The following DNMT3B variants were observed in gnomAD, a reference collection of about 807,000 sequenced individuals.
DNMT3B encodes DNA (cytosine-5)-methyltransferase 3B.
A neutral mutation model predicts 120.2 loss-of-function variants in DNMT3B; 37 were observed. The observed-to-expected ratio is 0.31, with a 90% CI of 0.24 to 0.40. The LOEUF (loss-of-function observed/expected upper bound fraction) is 0.40. Ranked by LOEUF, DNMT3B falls within the 10% of genes least tolerant of loss-of-function variation. The pLI, the probability that DNMT3B is intolerant of heterozygous loss-of-function variation, is 1.00. For synonymous variants in DNMT3B, 412 were observed against 442.8 expected (o/e 0.93, Z 0.87); for missense variants, 878 against 1,137.3 (o/e 0.77, Z 3.28).
In DNMT3B at chr20:32,801,275, C is replaced by T; in HGVS notation, c.1997-3C>T. 1 of 1,614,162 alleles carries T rather than the reference C, an allele frequency of 6.2e-7. No individual in the cohort carries two copies. The highest frequency in any genetic ancestry group is 1.3e-5 in the African/African-American group (1 of 75,036). ...CCTGCGCTGTCATCTTTTCTGAGCA[C>T]AGAGGGTACAGGCCGGCTCTTCTTC... On this transcript the variant is annotated splice_region_variant and splice_polypyrimidine_tract_variant and intron_variant, in intron 18 of 22. Coordinates refer to ENST00000328111, the MANE Select transcript of DNMT3B (RefSeq NM_006892.4).
chr20:32,788,292 C>A (rs571943191), intron 6 of DNMT3B, among the ~76,000 whole-genome samples: 1 of 152,112 alleles, frequency 6.6e-6, no homozygotes, highest in African/African-American at 2.4e-5. Flanking sequence ...CTTTTTTCTT[C>A]TATTAAGAAC....
chr20:32,806,195 A>G lies in DNMT3B; in HGVS notation c.2302-14A>G. 1.2e-6 allele frequency: 2 copies of G among 1,612,970 alleles called. No individual in the cohort carries two copies. The highest frequency in any genetic ancestry group is 1.7e-6 in the Non-Finnish European group (2 of 1,178,966). ...CATTCTGTGCTCACTCCATGATGTCATTTTGTTCTCCAGTTAAAGAAAGTA... is the reference window on the plus strand; with the variant it reads ...CATTCTGTGCTCACTCCATGATGTCGTTTTGTTCTCCAGTTAAAGAAAGTA... On this transcript the variant is annotated splice_polypyrimidine_tract_variant and intron_variant, in intron 21 of 22. Transcript: ENST00000328111.
In DNMT3B at chr20:32,804,345, C is replaced by G. The variant is rs2146075989; in HGVS notation, c.2232-993C>G. On this transcript the variant is annotated intron_variant, in intron 20 of 22. Transcript: ENST00000328111. ...CTTTTCTTCTGGGCCCTCAGCTCCC[C>G]TGGGTCCATGTCGGAGGTAGGAATG... Among the ~76,000 whole-genome samples the G allele has an allele frequency of 1.3e-5, 2 of 152,272 alleles. 1 individual carries two copies. The highest frequency in any genetic ancestry group is 4.1e-4 in the South Asian group (2 of 4,828).
chr20:32,778,056 A>G (rs991872890), intron 1 of DNMT3B, among the ~76,000 whole-genome samples: 7 of 152,200 alleles, frequency 4.6e-5, no homozygotes, highest in African/African-American at 1.7e-4. Flanking sequence ...ATCCCGCTTC[A>G]GGCCGGGTGT....
chr20:32,793,659 A>C, intron 10 of DNMT3B, 64 bp downstream of exon 10: 1 of 1,574,704 alleles, frequency 6.4e-7, no homozygotes. Flanking sequence ...ATTTCTTTGC[A>C]TATAAAATGG....
chr20:32,792,899 G>A (rs1168477909), intron 9 of DNMT3B, 129 bp downstream of exon 9: 1 of 1,373,672 alleles, frequency 7.3e-7, no homozygotes, highest in East Asian at 2.5e-5. Flanking sequence ...TCTGAATGTT[G>A]GAAAAATAGG....
In DNMT3B at chr20:32,808,057, C is replaced by T. The variant is rs1348394526; in HGVS notation, c.*154C>T. 16 of 1,328,772 alleles carry T rather than the reference C, an allele frequency of 1.2e-5. No homozygotes were observed. Among genetic ancestry groups the T allele is most frequent in the Non-Finnish European group, 1.6e-5 (15 of 962,894 alleles). The allele number at this position is 1,328,772 out of a possible 1,614,324, so 82.3% of individuals were successfully genotyped here. Reference sequence around the variant, plus strand: ...TCTTGCTCAGTGGGGGCAGAGCCACCTGACTCTTGCAGGGGTAGCCTGAGG... The same window carrying T: ...TCTTGCTCAGTGGGGGCAGAGCCACTTGACTCTTGCAGGGGTAGCCTGAGG... On this transcript the variant is annotated 3_prime_UTR_variant, in exon 23 of 23. Coordinates refer to ENST00000328111, the MANE Select transcript of DNMT3B (RefSeq NM_006892.4).
intron 6 of DNMT3B, among the ~76,000 whole-genome samples, 158 bp downstream of exon 6, chr20:32,787,609 C>T (rs1018892049): frequency 6.6e-6 from 1 of 152,228 alleles, no homozygotes; most frequent in Non-Finnish European, 1.5e-5. Context: ...CTTCCATATG[C>T]ACCACGGACC....
intron 18 of DNMT3B, 130 bp downstream of exon 18, chr20:32,801,055 C>T (rs1601128662): frequency 8.0e-7 from 1 of 1,255,234 alleles, no homozygotes; most frequent in East Asian, 2.3e-5. Context: ...CCTGTTGGTG[C>T]TGCCTACGCT....
At chr20:32,796,723 C>A (rs574661809) in intron 12 of DNMT3B, 67 bp from the exon 13 acceptor site, 8 of 1,568,806 alleles carry the variant, frequency 5.1e-6, no homozygotes, top group South Asian at 3.3e-5. Context: ...AACTGAGAGA[C>A]CCCAGGCTTT....
At position 32,769,713 on chromosome 20, in the gene DNMT3B, A is replaced by G. The variant is rs568678714; in HGVS notation, c.-7+7014A>G. Among the ~76,000 whole-genome samples the G allele has an allele frequency of 2.0e-3, 307 of 152,158 alleles. 1 individual carries two copies. Among genetic ancestry groups the G allele is most frequent in the South Asian group, 0.019 (91 of 4,822 alleles). ...GAGATTTGTTTTCTGTCCCTGCAGT[A>G]CTGCTTTTTCCAGAATGTCATATAA... On this transcript the variant is annotated intron_variant, in intron 1 of 22. Coordinates refer to ENST00000328111, the MANE Select transcript of DNMT3B (RefSeq NM_006892.4).
chr20:32,797,339 C>T lies in DNMT3B; in HGVS notation c.1490+40C>T, dbSNP rs772547328. ...CTGTGGGGTGGATGTGGGTGGGCCC[C>T]CAAGGCTCCTACGTTCCTGCAGTCT... is the stretch of plus-strand genomic sequence containing the variant. On this transcript the variant is annotated intron_variant, in intron 14 of 22. Coordinates refer to ENST00000328111, the MANE Select transcript of DNMT3B (RefSeq NM_006892.4). 10 of 1,590,204 alleles carry T rather than the reference C, an allele frequency of 6.3e-6. No individual in the cohort carries two copies. In the South Asian group the frequency reaches 1.1e-4, roughly 18 times the overall value.
Position 32,762,651 on chromosome 20 carries a change from C to G in DNMT3B, c.-55C>G, listed in dbSNP as rs1321509812. 1 of 234,152 alleles carries G rather than the reference C, an allele frequency of 4.3e-6. No homozygotes were observed. The allele number at this position is 234,152 out of a possible 1,614,324, so 14.5% of individuals were successfully genotyped here. On this transcript the variant is annotated 5_prime_UTR_variant, in exon 1 of 23. Coordinates refer to ENST00000328111, the MANE Select transcript of DNMT3B (RefSeq NM_006892.4). ...CAGCCGGCCTCCCGCCAGCCAGCCC[C>G]GACCCGCGGCTCCGCCGCCCAGCCG...
At chr20:32,798,952 G>A (rs1262918716) in intron 15 of DNMT3B, among the ~76,000 whole-genome samples, 1 of 152,232 alleles carries the variant, frequency 6.6e-6, no homozygotes, top group African/African-American at 2.4e-5. Context: ...GAATTTTCTA[G>A]TTCTTAGAGG....
At chr20:32,778,251 G>C (rs577572532) in intron 1 of DNMT3B, among the ~76,000 whole-genome samples, 1 of 152,022 alleles carries the variant, frequency 6.6e-6, no homozygotes, top group Admixed American at 6.6e-5. Flanking sequence ...CAGGAGAATC[G>C]CTTGAACCTG....
At chr20:32,763,578 C>T (rs532913459) in intron 1 of DNMT3B, among the ~76,000 whole-genome samples, 1 of 152,362 alleles carries the variant, frequency 6.6e-6, no homozygotes, top group African/African-American at 2.4e-5. Context: ...AGATAAGCTT[C>T]CCGGCTCGTG....
At chr20:32,780,125 A>T in intron 1 of DNMT3B, 193 bp from the exon 2 acceptor site, 1 of 1,613,624 alleles carries the variant, frequency 6.2e-7, no homozygotes, top group Non-Finnish European at 8.5e-7. Flanking sequence ...CATGGAACCA[A>T]GTCCTGAGCC....
intron 20 of DNMT3B, 133 bp downstream of exon 20, chr20:32,802,603 G>A (rs1467876316): frequency 5.6e-6 from 5 of 895,666 alleles, no homozygotes; most frequent in Non-Finnish European, 9.2e-6. Context: ...GACCACCTGT[G>A]GTCGTGCGGG....
intron 1 of DNMT3B, among the ~76,000 whole-genome samples, chr20:32,766,987 T>C (rs1037275221): frequency 6.6e-6 from 1 of 151,914 alleles, no homozygotes; most frequent in Non-Finnish European, 1.5e-5. Context: ...GCTTCCCGAG[T>C]TCAAGTGATT....
Sources: gnomAD v4.1 joint callset for allele counts (sites outside exome capture counted in the v4.1 genomes callset) on GRCh38, gnomAD v4.1.1 for gene constraint, MANE v1.5 for transcripts, NCBI Gene and HGNC (gene_info 2026-07-23, HGNC 2026-07-21) for gene names.